Variants in MPDZ observed in about 807,000 individuals in gnomAD.
The protein encoded by MPDZ is multiple PDZ domain crumbs cell polarity complex component.
Under a neutral mutation model 239.1 loss-of-function variants are expected in MPDZ, and 234 were observed. The ratio of observed to expected loss-of-function variants is 0.98; its 90% CI spans 0.88 to 1.09. The LOEUF (loss-of-function observed/expected upper bound fraction) is 1.09, where lower values mean the gene tolerates loss of function less well. MPDZ is among the 50% of genes least tolerant of loss of function. MPDZ has a pLI of 0.00. For missense variants in MPDZ, 3,175 were observed against 2,510.0 expected (o/e 1.26, Z -5.66); for synonymous variants, 1,048 against 881.3 (o/e 1.19, Z -3.35).
intron 3 of MPDZ, among the ~76,000 whole-genome samples, chr9:13,226,325 G>C (rs1467909643): frequency 1.3e-5 from 2 of 152,154 alleles, no homozygotes; most frequent in Admixed American, 6.6e-5. Context: ...AAGCAATGCA[G>C]TCAATCCTAA....
intron 4 of MPDZ, 32 bp downstream of exon 4, chr9:13,224,342 T>G (rs1297426155): frequency 6.5e-7 from 1 of 1,529,802 alleles, no homozygotes; most frequent in Non-Finnish European, 9.0e-7. Flanking sequence ...ACTACAGGTA[T>G]TACAATAACT....
chr9:13,207,688 T>G (rs1364279503), intron 10 of MPDZ, among the ~76,000 whole-genome samples: 1 of 152,194 alleles, frequency 6.6e-6, no homozygotes, highest in Admixed American at 6.6e-5. Context: ...AATTTTAATT[T>G]TACATTTTCT....
At chr9:13,265,471 A>C (rs563171961) in intron 1 of MPDZ, among the ~76,000 whole-genome samples, 345 of 152,360 alleles carry the variant, frequency 2.3e-3, no homozygotes, top group African/African-American at 7.8e-3. Context: ...GGGGAGGCTG[A>C]GGCAGCAGAA....
intron 12 of MPDZ, among the ~76,000 whole-genome samples, chr9:13,197,829 T>A (rs941895813): frequency 6.6e-6 from 1 of 152,086 alleles, no homozygotes; most frequent in Non-Finnish European, 1.5e-5. Flanking sequence ...CGCCCACTTA[T>A]AAGTGAGATC....
intron 32 of MPDZ, among the ~76,000 whole-genome samples, chr9:13,127,554 A>T (rs1945306608): frequency 6.6e-6 from 1 of 152,076 alleles, no homozygotes. Flanking sequence ...TACAAAAAGC[A>T]AAGAAAAGAA....
In MPDZ at chr9:13,249,008, A is replaced by AAAAAAAAAAAAAAAAAC. The variant is rs1279043046; in HGVS notation, c.17-1208_17-1207insGTTTTTTTTTTTTTTTT. On this transcript the variant is annotated intron_variant, in intron 2 of 46. Transcript: ENST00000319217. ...AAAAAAAAAAAAAAAAAAAAAAAAA[A>AAAAAAAAAAAAAAAAAC]ATTGGAATCATCACCAGAGATACTT... 1.9e-4 allele frequency among the ~76,000 whole-genome samples: 24 copies of AAAAAAAAAAAAAAAAAC among 125,344 alleles called. 1 individual carries two copies. Among genetic ancestry groups the AAAAAAAAAAAAAAAAAC allele is most frequent in the Middle Eastern group, 4.3e-3 (1 of 230 alleles). 82.2% of individuals were successfully genotyped at this position (125,344 alleles called of 152,430 possible).
intron 32 of MPDZ, among the ~76,000 whole-genome samples, chr9:13,128,463 T>C (rs781544071): frequency 6.6e-6 from 1 of 152,218 alleles, no homozygotes; most frequent in Non-Finnish European, 1.5e-5. Flanking sequence ...TTGAGATGAC[T>C]GTAGCTGTAG....
chr9:13,116,550 T>C (rs565520078), intron 39 of MPDZ, among the ~76,000 whole-genome samples: 1 of 151,366 alleles, frequency 6.6e-6, no homozygotes, highest in South Asian at 2.1e-4. Context: ...AAGTTGGTTT[T>C]TTTATTTGTT....
At chr9:13,109,463 G>A (rs1433745103) in intron 45 of MPDZ, among the ~76,000 whole-genome samples, 2 of 152,088 alleles carry the variant, frequency 1.3e-5, no homozygotes, top group Non-Finnish European at 2.9e-5. Context: ...TATAAGCAAT[G>A]GAAAAGCTGC....
At chr9:13,240,168 A>T (rs1378583505) in intron 3 of MPDZ, among the ~76,000 whole-genome samples, 1 of 152,080 alleles carries the variant, frequency 6.6e-6, no homozygotes, top group Non-Finnish European at 1.5e-5. Flanking sequence ...TTTCTAGGAG[A>T]CAAACTGACT....
At chr9:13,244,750 AT>A (rs1966205888) in intron 3 of MPDZ, among the ~76,000 whole-genome samples, 1 of 152,178 alleles carries the variant, frequency 6.6e-6, no homozygotes, top group African/African-American at 2.4e-5. Flanking sequence ...AAAATTAAAC[AT>A]TATTGAATAG....
chr9:13,200,113 C>T (rs1275038206), intron 12 of MPDZ, among the ~76,000 whole-genome samples: 2 of 151,794 alleles, frequency 1.3e-5, no homozygotes, highest in Non-Finnish European at 2.9e-5. Flanking sequence ...TTATTACCAA[C>T]TCAATCTTGT....
In MPDZ at chr9:13,215,103, T is replaced by C. The variant is rs562774817; in HGVS notation, c.1290+1671A>G. ...TTCATCTTGCAGAACTGCAGAAATA[T>C]ACCCATTGAACAACTCCTCATTTCC... On this transcript the variant is annotated intron_variant, in intron 10 of 46. Coordinates refer to ENST00000319217, the MANE Select transcript of MPDZ (RefSeq NM_001378778.1). Among the ~76,000 whole-genome samples the C allele has an allele frequency of 1.1e-3, 174 of 152,062 alleles. 2 individuals are homozygous for C. In the South Asian group the frequency reaches 0.022, roughly 20 times the overall value.
chr9:13,161,509 C>T (rs527722999), intron 23 of MPDZ, among the ~76,000 whole-genome samples: 1 of 152,046 alleles, frequency 6.6e-6, no homozygotes, highest in East Asian at 1.9e-4. Flanking sequence ...AGGCAGAGGT[C>T]TCAGTAAGCC....
chr9:13,224,888 T>C lies in MPDZ; in HGVS notation c.184-305A>G, dbSNP rs76155122. Among the ~76,000 whole-genome samples, 836 of 152,216 alleles carry C rather than the reference T, an allele frequency of 5.5e-3. 12 individuals carry two copies. The highest frequency in any genetic ancestry group is 0.019 in the African/African-American group (780 of 41,566). On this transcript the variant is annotated intron_variant, in intron 3 of 46. Coordinates refer to ENST00000319217, the MANE Select transcript of MPDZ (RefSeq NM_001378778.1). ...CCATAAATATATACATCCACACATA[T>C]ATTTTTCTGTCCCCAGATCCTATGA...
At chr9:13,194,550 G>C (rs1003826894) in intron 13 of MPDZ, among the ~76,000 whole-genome samples, 1 of 152,020 alleles carries the variant, frequency 6.6e-6, no homozygotes, top group African/African-American at 2.4e-5. Context: ...CTGTAGGGTG[G>C]TGGGGGCAAG....
At chr9:13,256,346 G>A (rs1969433933) in intron 1 of MPDZ, among the ~76,000 whole-genome samples, 1 of 152,184 alleles carries the variant, frequency 6.6e-6, no homozygotes, top group African/African-American at 2.4e-5. Context: ...CACTGGAGAA[G>A]CTATTTTAAT....
chr9:13,128,391 G>T lies in MPDZ; in HGVS notation c.4465-1619C>A, dbSNP rs147575983. On this transcript the variant is annotated intron_variant, in intron 32 of 46. Transcript: ENST00000319217. ...AGCAGCCCCATTTAGAAGAAATAAG[G>T]CCTGTTGCCAACAGCCATTTGGGTA... Among the ~76,000 whole-genome samples, 564 of 152,254 alleles carry T rather than the reference G, an allele frequency of 3.7e-3. 9 individuals carry two copies. The highest frequency in any genetic ancestry group is 0.012 in the African/African-American group (515 of 41,544).
intron 34 of MPDZ, 40 bp from the exon 35 acceptor site, chr9:13,125,430 G>A (rs371549647): frequency 1.9e-6 from 3 of 1,568,620 alleles, no homozygotes; most frequent in Non-Finnish European, 1.7e-6. Flanking sequence ...AAAATTCAAA[G>A]CTGAATTAGT....
Sources: gnomAD v4.1 joint callset for allele counts (sites outside exome capture counted in the v4.1 genomes callset) on GRCh38, gnomAD v4.1.1 for gene constraint, MANE v1.5 for transcripts, NCBI Gene and HGNC (gene_info 2026-07-23, HGNC 2026-07-21) for gene names.